The following AGPAT5 variants were observed in gnomAD, a reference collection of about 807,000 sequenced individuals.
The protein encoded by AGPAT5 is 1-acylglycerol-3-phosphate O-acyltransferase 5.
AGPAT5 carries 46 observed loss-of-function variants against 45.6 expected under a neutral mutation model. The observed-to-expected ratio is 1.01, with a 90% confidence interval of 0.80 to 1.29. The LOEUF (loss-of-function observed/expected upper bound fraction) is 1.29. Ranked by LOEUF, AGPAT5 falls within the 50% of genes most tolerant of loss-of-function variation. The probability of loss-of-function intolerance (pLI) is 0.00; values close to 1 mark genes in which losing one functional copy is unlikely to be tolerated. For synonymous variants in AGPAT5, 272 were observed against 167.0 expected, an observed-to-expected ratio of 1.63 and a Z score of -4.85; for missense variants, 673 against 450.7, an observed-to-expected ratio of 1.49 and a Z score of -4.47.
At chr8:6,712,528 T>A (rs1438077252) in intron 1 of AGPAT5, among the ~76,000 whole-genome samples, 1 of 152,210 alleles carries the variant, frequency 6.6e-6, no homozygotes, top group African/African-American at 2.4e-5. Flanking sequence ...GTAACTTGAA[T>A]GTGGAATGCT....
chr8:6,752,073 A>T (rs1177632426), intron 6 of AGPAT5, among the ~76,000 whole-genome samples: 1 of 152,084 alleles, frequency 6.6e-6, no homozygotes, highest in Non-Finnish European at 1.5e-5. Flanking sequence ...GCTACTCAGG[A>T]GGCTGAGGTA....
chr8:6,714,955 A>G (rs963958581), intron 1 of AGPAT5, among the ~76,000 whole-genome samples: 6 of 152,086 alleles, frequency 3.9e-5, no homozygotes, highest in African/African-American at 1.4e-4. Context: ...TTCTCATTTT[A>G]TTATGGTTTC....
chr8:6,755,674 T>C (rs1384371827), intron 7 of AGPAT5, among the ~76,000 whole-genome samples: 4 of 152,220 alleles, frequency 2.6e-5, no homozygotes, highest in Non-Finnish European at 5.9e-5. Flanking sequence ...TGTGGTTAAT[T>C]ATATTCAGAA....
At chr8:6,716,558 G>A (rs1209104487) in intron 1 of AGPAT5, among the ~76,000 whole-genome samples, 2 of 152,052 alleles carry the variant, frequency 1.3e-5, no homozygotes, top group Non-Finnish European at 2.9e-5. Flanking sequence ...AAAAGGGCCA[G>A]GTGCGGAGGC....
intron 4 of AGPAT5, chr8:6,738,388 AAC>A (rs972253333): frequency 6.6e-6 from 1 of 152,242 alleles, no homozygotes. Flanking sequence ...GAGCAGTCAG[AAC>A]ACACACGACA....
chr8:6,748,717 C>G (rs1305445983), intron 6 of AGPAT5, among the ~76,000 whole-genome samples: 1 of 152,138 alleles, frequency 6.6e-6, no homozygotes, highest in African/African-American at 2.4e-5. Context: ...GTTGGCCAGG[C>G]TGGTCTCAAA....
At chr8:6,733,630 G>A (rs574862778) in intron 4 of AGPAT5, among the ~76,000 whole-genome samples, 5 of 152,294 alleles carry the variant, frequency 3.3e-5, no homozygotes, top group African/African-American at 1.2e-4. Flanking sequence ...AAACAGTGTG[G>A]TGAATTTGGG....
intron 1 of AGPAT5, among the ~76,000 whole-genome samples, chr8:6,715,899 T>A (rs564850660): frequency 1.2e-4 from 18 of 152,212 alleles, no homozygotes; most frequent in Non-Finnish European, 2.4e-4. Context: ...AAAGAGGTTT[T>A]CAATTGATAA....
intron 1 of AGPAT5, among the ~76,000 whole-genome samples, chr8:6,718,944 CA>C (rs1800416001): frequency 6.6e-6 from 1 of 152,148 alleles, no homozygotes; most frequent in Non-Finnish European, 1.5e-5. Flanking sequence ...TTGCACTATG[CA>C]AGGGATCAAG....
In AGPAT5 at chr8:6,747,701, A is replaced by G; in HGVS notation, c.618A>G (p.Pro206=). ...CAGTATTAAAACATGTGCTAACACCACGAATAAAGGCAACTCACGTTGCTT... is the reference window on the plus strand; with the variant it reads ...CAGTATTAAAACATGTGCTAACACCGCGAATAAAGGCAACTCACGTTGCTT... ...GLAVLKHVLT[P]RIKATHVAFD... is the part of the protein sequence containing the mutation. Residue 206 remains proline, a synonymous_variant, in exon 6 of 8, where the codon CCA becomes CCG. Transcript: ENST00000285518. 3 of 1,614,216 alleles carry G rather than the reference A, an allele frequency of 1.9e-6. No homozygotes were observed. Among genetic ancestry groups the G allele is most frequent in the Non-Finnish European group, 2.5e-6 (3 of 1,180,030 alleles).
At chr8:6,754,824 T>G (rs1047428300) in intron 6 of AGPAT5, among the ~76,000 whole-genome samples, 1 of 152,202 alleles carries the variant, frequency 6.6e-6, no homozygotes, top group African/African-American at 2.4e-5. Context: ...CTTATGTAAT[T>G]GTAGTTGACT....
intron 2 of AGPAT5, among the ~76,000 whole-genome samples, chr8:6,728,495 C>T (rs1022663805): frequency 6.6e-6 from 1 of 152,220 alleles, no homozygotes; most frequent in African/African-American, 2.4e-5. Flanking sequence ...TAGCCCAGGG[C>T]AGCTTATTAT....
chr8:6,711,590 C>G (rs368148351), intron 1 of AGPAT5, among the ~76,000 whole-genome samples: 88 of 152,298 alleles, frequency 5.8e-4, no homozygotes, highest in African/African-American at 2.1e-3. Flanking sequence ...ATTCAAGTAC[C>G]TGTGTTACTT....
chr8:6,761,225 T>C lies in AGPAT5; in HGVS notation c.*3837T>C, dbSNP rs911034970. Among the ~76,000 whole-genome samples, 3 of 152,206 alleles carry C rather than the reference T, an allele frequency of 2.0e-5. No individual in the cohort carries two copies. The highest frequency in any genetic ancestry group is 7.2e-5 in the African/African-American group (3 of 41,464). On this transcript the variant is annotated 3_prime_UTR_variant, in exon 8 of 8. Transcript: ENST00000285518. The stretch of plus-strand genomic sequence containing the variant: ...TGTGGAACAAACTCTCAACAAAATG[T>C]TTATTGATGTTGATGAAACAGATCA...
chr8:6,740,233 C>G lies in AGPAT5; in HGVS notation c.496-1428C>G, dbSNP rs555279615. ...TATTTATAAATGACTGAGTTGAAAG[C>G]TGATAGCCCACAGTAATTGCTTTCA... On this transcript the variant is annotated intron_variant, in intron 4 of 7. Transcript: ENST00000285518. Among the ~76,000 whole-genome samples, 4 of 152,110 alleles carry G rather than the reference C, an allele frequency of 2.6e-5. No homozygotes were observed. The South Asian group carries it at 8.3e-4, about 32-fold the overall frequency.
At chr8:6,749,397 A>G (rs192129273) in intron 6 of AGPAT5, among the ~76,000 whole-genome samples, 50 of 152,366 alleles carry the variant, frequency 3.3e-4, no homozygotes, top group Non-Finnish European at 5.4e-4. Context: ...GAGTAATTGT[A>G]AAGTAGAAAA....
At chr8:6,727,125 T>C (rs2911977) in intron 2 of AGPAT5, among the ~76,000 whole-genome samples, 115,612 of 152,106 alleles carry the variant, frequency 0.76, 45,150 homozygotes, top group African/African-American at 0.94. Context: ...GCGGAAAGAA[T>C]ATTTCAAAGA....
intron 1 of AGPAT5, among the ~76,000 whole-genome samples, chr8:6,715,639 C>G (rs1205680394): frequency 6.6e-6 from 1 of 152,188 alleles, no homozygotes; most frequent in Non-Finnish European, 1.5e-5. Flanking sequence ...TGAAGATGCT[C>G]TGCCTGGCAA....
chr8:6,724,617 G>A (rs1800620986), intron 1 of AGPAT5, among the ~76,000 whole-genome samples: 1 of 152,102 alleles, frequency 6.6e-6, no homozygotes, highest in African/African-American at 2.4e-5. Context: ...ATCAATGAAT[G>A]CTTGCTATAT....
Sources: allele counts gnomAD v4.1 joint callset (sites outside exome capture counted in the v4.1 genomes callset), GRCh38; gene constraint gnomAD v4.1.1; transcripts MANE v1.5; gene names NCBI Gene and HGNC (gene_info 2026-07-23, HGNC 2026-07-21).